Variants in FNBP1L observed in about 807,000 individuals in gnomAD.
The protein encoded by FNBP1L is formin-binding protein 1-like.
FNBP1L carries 36 observed loss-of-function variants against 91.2 expected under a neutral mutation model. The observed-to-expected ratio is 0.39, with a 90% CI of 0.30 to 0.52. The LOEUF is 0.52. Ranked by LOEUF, FNBP1L falls within the 20% of genes least tolerant of loss-of-function variation. FNBP1L has a pLI of 0.66. For missense variants in FNBP1L, 571 were observed against 732.1 expected, an observed-to-expected ratio of 0.78 and a Z score of 2.54; for synonymous variants, 242 against 237.0, an observed-to-expected ratio of 1.02 and a Z score of -0.19.
intron 2 of FNBP1L, among the ~76,000 whole-genome samples, chr1:93,506,857 A>G (rs889735791): frequency 6.6e-6 from 1 of 152,128 alleles, no homozygotes; most frequent in Non-Finnish European, 1.5e-5. Flanking sequence ...GAATGGATAA[A>G]AAGATTAGAA....
chr1:93,522,729 A>G (rs1671371148), intron 3 of FNBP1L, among the ~76,000 whole-genome samples: 1 of 152,198 alleles, frequency 6.6e-6, no homozygotes, highest in African/African-American at 2.4e-5. Context: ...GTTAATCTTC[A>G]TCTGTAAGAG....
At chr1:93,507,105 ACACTCTCTCTCTCTCTCTCTCTCT>A (rs1670659638) in intron 2 of FNBP1L, among the ~76,000 whole-genome samples, 1 of 48,788 alleles carries the variant, frequency 2.0e-5, no homozygotes, top group African/African-American at 1.1e-4. Flanking sequence ...ACACACACAC[ACACTCTCTCTCTCTCTCTCTCTCT>A]CTCTCTCTCT....
intron 1 of FNBP1L, among the ~76,000 whole-genome samples, chr1:93,473,350 C>T (rs1451687876): frequency 6.6e-6 from 1 of 151,976 alleles, no homozygotes; most frequent in East Asian, 1.9e-4. Flanking sequence ...TTTTATTTTA[C>T]TTTCATGCCG....
chr1:93,535,902 A>G (rs564226111), intron 9 of FNBP1L, among the ~76,000 whole-genome samples: 2 of 151,882 alleles, frequency 1.3e-5, no homozygotes, highest in South Asian at 2.1e-4. Flanking sequence ...TTTTTTGCCT[A>G]TTTTTGGTAA....
rs1159760563 is a variant in FNBP1L, at chr1:93,552,527, A to T, written c.*111A>T. 1.7e-6 allele frequency: 2 copies of T among 1,189,474 alleles called. No homozygotes were observed. The highest frequency in any genetic ancestry group is 2.5e-5 in the East Asian group (1 of 40,624). 73.7% of individuals were successfully genotyped at this position (1,189,474 alleles called of 1,614,324 possible). On this transcript the variant is annotated 3_prime_UTR_variant, in exon 17 of 17. Transcript: ENST00000271234. ...AAAGAGAGTGAGAGAAGCAAGTTGC[A>T]TGAGTGCATGCAGACATGATTTTTT...
At position 93,497,036 on chromosome 1, in the gene FNBP1L, C is replaced by G. The variant is rs559298405; in HGVS notation, c.25-2432C>G. Among the ~76,000 whole-genome samples, 4 of 152,296 alleles carry G rather than the reference C, an allele frequency of 2.6e-5. No homozygotes were observed. The East Asian group carries it at 7.7e-4, about 29-fold the overall frequency. ...ATTGCAGTGGCACGATCTCGGCTCA[C>G]TGCAAGCTCTACCTACTGGGTTCAT... is the stretch of plus-strand genomic sequence containing the variant. On this transcript the variant is annotated intron_variant, in intron 1 of 16. Transcript: ENST00000271234.
At position 93,448,124 on chromosome 1, in the gene FNBP1L, G is replaced by A. The variant is rs1668328423; in HGVS notation, c.-158G>A. On this transcript the variant is annotated 5_prime_UTR_variant, in exon 1 of 17. Coordinates refer to ENST00000271234, the MANE Select transcript of FNBP1L (RefSeq NM_001164473.3). The stretch of plus-strand genomic sequence containing the variant: ...CGGCGGCGGAGGCTTCTCCAGTCGC[G>A]TCTTTCTCACTCACTGGGGAGCCCG... The A allele has an allele frequency of 1.0e-5, 9 of 901,996 alleles. No individual in the cohort carries two copies. The highest frequency in any genetic ancestry group is 3.3e-4 in the Middle Eastern group (1 of 3,004). The allele number at this position is 901,996 out of a possible 1,614,324, so 55.9% of individuals were successfully genotyped here.
intron 1 of FNBP1L, among the ~76,000 whole-genome samples, chr1:93,448,639 C>T (rs1339490074): frequency 6.6e-6 from 1 of 152,016 alleles, no homozygotes; most frequent in Non-Finnish European, 1.5e-5. Flanking sequence ...TTCCCGACGC[C>T]TGGCTTCGCG....
At chr1:93,544,238 T>C in intron 12 of FNBP1L, 22 bp downstream of exon 12, 4 of 1,542,332 alleles carry the variant, frequency 2.6e-6, no homozygotes, top group Non-Finnish European at 3.6e-6. Context: ...TTAAGTTTTC[T>C]CTATCATTAT....
chr1:93,532,275 T>C (rs551885349), intron 7 of FNBP1L, among the ~76,000 whole-genome samples: 1 of 152,168 alleles, frequency 6.6e-6, no homozygotes, highest in Admixed American at 6.5e-5. Flanking sequence ...GAGACCATCC[T>C]GGCCAACATG....
chr1:93,507,534 A>G (rs117142297), intron 2 of FNBP1L, among the ~76,000 whole-genome samples: 1 of 152,372 alleles, frequency 6.6e-6, no homozygotes, highest in East Asian at 1.9e-4. Context: ...GGACTTACTT[A>G]ACCATTCATG....
intron 5 of FNBP1L, among the ~76,000 whole-genome samples, chr1:93,525,510 GC>G (rs1671464417): frequency 6.6e-6 from 1 of 152,040 alleles, no homozygotes; most frequent in African/African-American, 2.4e-5. Flanking sequence ...GTTTTAAATT[GC>G]CTTAACTATC....
At chr1:93,449,424 A>G (rs1282536035) in intron 1 of FNBP1L, among the ~76,000 whole-genome samples, 3 of 152,178 alleles carry the variant, frequency 2.0e-5, no homozygotes, top group African/African-American at 7.2e-5. Flanking sequence ...ATCTCGTGAA[A>G]TCACTGCAGA....
rs60046384 is a variant in FNBP1L, at chr1:93,499,301, C to T, written c.25-167C>T. The stretch of plus-strand genomic sequence containing the variant: ...AAGTAGCATGATTTATGCTTAGGGA[C>T]GACCTATTTCTAGGTCTTAAAGGGT... On this transcript the variant is annotated intron_variant, in intron 1 of 16. Transcript: ENST00000271234. Among the ~76,000 whole-genome samples, 1,468 of 152,148 alleles carry T rather than the reference C, an allele frequency of 9.6e-3. 22 individuals are homozygous for T. The highest frequency in any genetic ancestry group is 0.033 in the African/African-American group (1,383 of 41,498).
chr1:93,544,637 TTTTTTATTTCA>T (rs1672156451), intron 12 of FNBP1L, among the ~76,000 whole-genome samples: 2 of 152,162 alleles, frequency 1.3e-5, no homozygotes, highest in Admixed American at 1.3e-4. Flanking sequence ...ATAAGTTTAC[TTTTTTATTTCA>T]TTTTTATAAG....
At chr1:93,459,217 C>G (rs1159874043) in intron 1 of FNBP1L, among the ~76,000 whole-genome samples, 2 of 152,170 alleles carry the variant, frequency 1.3e-5, no homozygotes, top group African/African-American at 4.8e-5. Flanking sequence ...GCTGAAATCA[C>G]GCCACTGCAC....
At chr1:93,535,506 C>T (rs1265068021) in intron 9 of FNBP1L, among the ~76,000 whole-genome samples, 1 of 151,960 alleles carries the variant, frequency 6.6e-6, no homozygotes, top group African/African-American at 2.4e-5. Flanking sequence ...CTTTGTCTTT[C>T]TTATCAATTA....
intron 9 of FNBP1L, among the ~76,000 whole-genome samples, chr1:93,535,159 T>C (rs182265334): frequency 6.6e-6 from 1 of 152,126 alleles, no homozygotes; most frequent in Non-Finnish European, 1.5e-5. Flanking sequence ...AGTTATATGC[T>C]TTTGAAGTTT....
chr1:93,482,820 C>A (rs1669756546), intron 1 of FNBP1L, among the ~76,000 whole-genome samples: 1 of 152,052 alleles, frequency 6.6e-6, no homozygotes, highest in Non-Finnish European at 1.5e-5. Context: ...GAGATCGAGA[C>A]CATCCTGACT....
Sources: gnomAD v4.1 joint callset for allele counts (sites outside exome capture counted in the v4.1 genomes callset) on GRCh38, gnomAD v4.1.1 for gene constraint, MANE v1.5 for transcripts, NCBI Gene and HGNC (gene_info 2026-07-23, HGNC 2026-07-21) for gene names.